FRMPD4: variants seen among roughly 807,000 people sequenced by gnomAD.
FRMPD4 encodes the protein FERM and PDZ domain containing 4.
FRMPD4 carries 22 observed loss-of-function variants against 94.1 expected under a neutral mutation model. The ratio of observed to expected loss-of-function variants is 0.23; its 90% CI spans 0.17 to 0.33. The LOEUF is 0.33. Among genes scored for constraint, FRMPD4 ranks in the 10% least tolerant of loss-of-function variants. FRMPD4 has a pLI of 1.00. For missense variants in FRMPD4, 1,111 were observed against 1,339.9 expected, an observed-to-expected ratio of 0.83 and a Z score of 2.67; for synonymous variants, 631 against 548.6, an observed-to-expected ratio of 1.15 and a Z score of -2.10.
chrX:12,209,549 C>T (rs1222428081), intron 1 of FRMPD4, among the ~76,000 whole-genome samples: 2 of 112,069 alleles, frequency 1.8e-5, no homozygotes, highest in Non-Finnish European at 3.8e-5. Context: ...AAGTGTTGGA[C>T]ACCTCCTCAC....
intron 2 of FRMPD4, among the ~76,000 whole-genome samples, chrX:11,866,127 C>T (rs1347761985): frequency 1.8e-5 from 2 of 111,602 alleles, no homozygotes; most frequent in African/African-American, 6.5e-5. Context: ...GCAGATTGGT[C>T]CTTTCTGTTA....
At chrX:11,967,356 C>A (rs6530469) in intron 3 of FRMPD4, among the ~76,000 whole-genome samples, 1 of 111,888 alleles carries the variant, frequency 8.9e-6, no homozygotes, top group Non-Finnish European at 1.9e-5. Context: ...ATGAACTGTT[C>A]TGCATGTACA....
rs149584479 is a variant in FRMPD4, at chrX:11,824,061, T to C, written c.-161+1346T>C. 5.6e-3 allele frequency among the ~76,000 whole-genome samples: 624 copies of C among 111,963 alleles called. 1 individual carries two copies. The highest frequency in any genetic ancestry group is 9.7e-3 in the Non-Finnish European group (515 of 53,223). Reference sequence around the variant, plus strand: ...ATAGGTTTAGGTATGTCTTAAAAACTTTCCCAGATGAGATTCCTAACAGCT... The same window carrying C: ...ATAGGTTTAGGTATGTCTTAAAAACCTTCCCAGATGAGATTCCTAACAGCT... On this transcript the variant is annotated intron_variant, in intron 1 of 18. Transcript: ENST00000640291.
intron 3 of FRMPD4, among the ~76,000 whole-genome samples, chrX:12,053,203 G>A (rs1424493312): frequency 1.8e-5 from 2 of 108,525 alleles, no homozygotes; most frequent in African/African-American, 6.7e-5. Context: ...GGTGGGTGTG[G>A]TGGTACATGC....
chrX:12,705,034 C>T (rs939453785), intron 11 of FRMPD4, among the ~76,000 whole-genome samples: 69 of 111,739 alleles, frequency 6.2e-4, no homozygotes, highest in African/African-American at 2.1e-3. Flanking sequence ...CAGTAGCACC[C>T]TCCCGTGATC....
chrX:12,210,733 AAC>A (rs2056745909), intron 1 of FRMPD4, among the ~76,000 whole-genome samples: 1 of 110,738 alleles, frequency 9.0e-6, no homozygotes, highest in Admixed American at 9.6e-5. Flanking sequence ...CCCCACCGAC[AAC>A]ACACACTAAA....
At chrX:12,067,147 G>C (rs1030560741) in intron 3 of FRMPD4, among the ~76,000 whole-genome samples, 1 of 109,838 alleles carries the variant, frequency 9.1e-6, no homozygotes, top group African/African-American at 3.3e-5. Flanking sequence ...TGGGATTACA[G>C]GCGTGAGCCA....
At chrX:12,280,132 T>A (rs765201650) in intron 1 of FRMPD4, among the ~76,000 whole-genome samples, 1 of 109,779 alleles carries the variant, frequency 9.1e-6, no homozygotes, top group Non-Finnish European at 1.9e-5. Flanking sequence ...ACACGTCCAC[T>A]CTCCAATCTC....
chrX:11,919,458 G>A (rs1344902158), intron 3 of FRMPD4, among the ~76,000 whole-genome samples: 2 of 111,304 alleles, frequency 1.8e-5, no homozygotes, highest in East Asian at 5.6e-4. Context: ...GAGTGGGAGT[G>A]GGAGGCTGTG....
intron 3 of FRMPD4, among the ~76,000 whole-genome samples, chrX:11,883,892 T>C (rs1239814639): frequency 8.9e-6 from 1 of 112,181 alleles, no homozygotes; most frequent in Non-Finnish European, 1.9e-5. Context: ...GACCCAGCTG[T>C]GTTGGAGCTC....
intron 3 of FRMPD4, among the ~76,000 whole-genome samples, chrX:12,012,528 C>A (rs866939980): frequency 1.8e-5 from 2 of 111,800 alleles, no homozygotes; most frequent in African/African-American, 3.3e-5. Flanking sequence ...TCTCTTAGCT[C>A]GTTATGGTAC....
intron 1 of FRMPD4, among the ~76,000 whole-genome samples, chrX:12,412,754 T>G (rs1018997372): frequency 8.9e-6 from 1 of 111,964 alleles, no homozygotes; most frequent in African/African-American, 3.3e-5. Context: ...GCACTTCATC[T>G]CATAGGCACA....
intron 1 of FRMPD4, among the ~76,000 whole-genome samples, chrX:12,421,912 C>T (rs1297602970): frequency 9.0e-6 from 1 of 111,162 alleles, no homozygotes; most frequent in African/African-American, 3.3e-5. Flanking sequence ...CATTCTTACT[C>T]CCTTTATTAT....
chrX:12,651,704 G>T (rs2059596796), intron 4 of FRMPD4, among the ~76,000 whole-genome samples: 1 of 111,364 alleles, frequency 9.0e-6, no homozygotes, highest in African/African-American at 3.3e-5. Context: ...TTCCTTTATT[G>T]TGAGAGCACT....
chrX:11,847,922 A>G (rs1445676562), intron 1 of FRMPD4, among the ~76,000 whole-genome samples: 1 of 101,022 alleles, frequency 9.9e-6, no homozygotes, highest in Non-Finnish European at 2.0e-5. Flanking sequence ...TAGGAGATAT[A>G]CCTAATGCTA....
intron 1 of FRMPD4, among the ~76,000 whole-genome samples, chrX:12,394,308 T>C (rs1268333230): frequency 2.7e-5 from 3 of 111,534 alleles, no homozygotes; most frequent in African/African-American, 6.5e-5. Flanking sequence ...AATGAAGGAA[T>C]TGAAGTTAGT....
At chrX:12,372,193 T>C (rs1387480301) in intron 1 of FRMPD4, among the ~76,000 whole-genome samples, 3 of 112,709 alleles carry the variant, frequency 2.7e-5, no homozygotes, top group African/African-American at 9.7e-5. Context: ...TCAGATTTCC[T>C]GTCTCTATAG....
chrX:12,121,302 C>T (rs753463862), intron 3 of FRMPD4, among the ~76,000 whole-genome samples: 2 of 110,269 alleles, frequency 1.8e-5, no homozygotes, highest in African/African-American at 6.6e-5. Flanking sequence ...AACAGTGCCA[C>T]TTTTCTCACA....
intron 4 of FRMPD4, among the ~76,000 whole-genome samples, chrX:12,633,619 G>A (rs1216549039): frequency 1.8e-5 from 2 of 112,153 alleles, no homozygotes; most frequent in South Asian, 7.5e-4. Context: ...TACAACTAGT[G>A]TTATGGATAA....
Sources: allele counts gnomAD v4.1 joint callset (sites outside exome capture counted in the v4.1 genomes callset), GRCh38; gene constraint gnomAD v4.1.1; transcripts MANE v1.5; gene names NCBI Gene and HGNC (gene_info 2026-07-23, HGNC 2026-07-21).